PGM3: variants seen among roughly 807,000 people sequenced by gnomAD.
PGM3 encodes the protein phosphoacetylglucosamine mutase.
Under a neutral mutation model 66.2 loss-of-function variants are expected in PGM3, and 40 were observed. The ratio of observed to expected loss-of-function variants is 0.60; its 90% CI spans 0.47 to 0.79. The LOEUF is 0.79. Ranked by LOEUF, PGM3 falls within the 30% of genes least tolerant of loss-of-function variation. PGM3 has a pLI of 0.00. For missense variants in PGM3, 537 were observed against 643.4 expected, an observed-to-expected ratio of 0.83 and a Z score of 1.79; for synonymous variants, 191 against 224.2, an observed-to-expected ratio of 0.85 and a Z score of 1.32.
chr6:83,172,772 T>C (rs1787362162), intron 10 of PGM3, among the ~76,000 whole-genome samples: 1 of 152,206 alleles, frequency 6.6e-6, no homozygotes, highest in Non-Finnish European at 1.5e-5. Context: ...GATACATCGT[T>C]TCCATGCATG....
At position 83,167,718 on chromosome 6, in the gene PGM3, G is replaced by T; in HGVS notation, c.*1516C>A. ...AGTAAAAGGTCTCAGAAGCACCAAGGGTTTTGATCAGGTCAGGAGTTAGAA... is the reference window on the plus strand; with the variant it reads ...AGTAAAAGGTCTCAGAAGCACCAAGTGTTTTGATCAGGTCAGGAGTTAGAA... On this transcript the variant is annotated 3_prime_UTR_variant, in exon 13 of 13. Transcript: ENST00000513973. 1 of 1,407,186 alleles carries T rather than the reference G, an allele frequency of 7.1e-7. No homozygotes were observed. Among genetic ancestry groups the T allele is most frequent in the Non-Finnish European group, 9.2e-7 (1 of 1,082,410 alleles). 87.2% of individuals were successfully genotyped at this position (1,407,186 alleles called of 1,614,324 possible).
At chr6:83,185,492 A>T (rs1383684564) in intron 4 of PGM3, among the ~76,000 whole-genome samples, 1 of 152,188 alleles carries the variant, frequency 6.6e-6, no homozygotes, top group Non-Finnish European at 1.5e-5. Flanking sequence ...GGCCGGGCGC[A>T]GTGGCTCATG....
Position 83,186,321 on chromosome 6 carries a change from A to T in PGM3, c.457+687T>A, listed in dbSNP as rs1788575665. Among the ~76,000 whole-genome samples the T allele has an allele frequency of 2.0e-5, 3 of 152,224 alleles. No homozygotes were observed. In the East Asian group the frequency reaches 5.8e-4, roughly 29 times the overall value. On this transcript the variant is annotated intron_variant, in intron 4 of 12. Coordinates refer to ENST00000513973, the MANE Select transcript of PGM3 (RefSeq NM_015599.3). ...CTGCAGAAAGCTGAAGAATGACAGA[A>T]GAGGAGGAAACAGAGAAGGTAAGCA...
At chr6:83,162,886 A>G (rs1173602988), downstream of PGM3, 2 of 1,613,014 alleles carry the variant, frequency 1.2e-6, no homozygotes, top group Non-Finnish European at 1.7e-6. Flanking sequence ...CTTACGTGGT[A>G]CGACTAGCAA....
chr6:83,155,901 AATCTT>A, the PGM3 span: 1 of 1,576,138 alleles, frequency 6.3e-7, no homozygotes, highest in Non-Finnish European at 8.6e-7. Context: ...ACAACAGAAT[AATCTT>A]TCTTCAGATG....
intron 12 of PGM3, 71 bp downstream of exon 12, chr6:83,170,234 A>C: frequency 7.1e-7 from 1 of 1,407,476 alleles, no homozygotes; most frequent in Non-Finnish European, 1.0e-6. Context: ...AGATTCTAAA[A>C]ACCATTAAAA....
downstream of PGM3, among the ~76,000 whole-genome samples, chr6:83,158,260 C>T (rs1016363381): frequency 6.6e-6 from 1 of 152,114 alleles, no homozygotes; most frequent in Non-Finnish European, 1.5e-5. Context: ...CTCGACCTCC[C>T]AAAGTGCTGG....
At chr6:83,160,093 T>C (rs1583183248), downstream of PGM3, 4 of 868,640 alleles carry the variant, frequency 4.6e-6, no homozygotes, top group Non-Finnish European at 7.0e-6. Flanking sequence ...TGTAATTCTT[T>C]TGGCACAGCA....
the PGM3 span, chr6:83,153,950 G>A: frequency 6.2e-7 from 1 of 1,613,892 alleles, no homozygotes; most frequent in South Asian, 1.1e-5. Flanking sequence ...AGTCTTAGTG[G>A]GTATCAGTAC....
At chr6:83,151,570 T>C in the PGM3 span, 5 of 1,575,246 alleles carry the variant, frequency 3.2e-6, no homozygotes, top group Admixed American at 9.8e-5. Context: ...TTCCCGTTTC[T>C]GTTTTCTCTT....
chr6:83,188,957 T>G (rs1045679550), intron 2 of PGM3, among the ~76,000 whole-genome samples, 159 bp from the exon 3 acceptor site: 7 of 152,306 alleles, frequency 4.6e-5, no homozygotes, highest in Middle Eastern at 3.4e-3. Context: ...ATTAGGTATT[T>G]TATGTATATA....
At chr6:83,157,032 G>A (rs907236930), downstream of PGM3, 4 of 660,932 alleles carry the variant, frequency 6.1e-6, no homozygotes, top group East Asian at 3.0e-5. Flanking sequence ...TCTCTTATTC[G>A]TTGTTTTATG....
intron 2 of PGM3, among the ~76,000 whole-genome samples, chr6:83,189,968 G>A (rs1479043780): frequency 6.6e-6 from 1 of 152,222 alleles, no homozygotes; most frequent in Non-Finnish European, 1.5e-5. Context: ...TAGTATGGTG[G>A]CGGCTAGAGG....
rs1472813037 is a variant in PGM3, at chr6:83,168,627, G to A, written c.*607C>T. 12 of 996,200 alleles carry A rather than the reference G, an allele frequency of 1.2e-5. No homozygotes were observed. The highest frequency in any genetic ancestry group is 1.4e-5 in the Non-Finnish European group (12 of 836,886). The allele number at this position is 996,200 out of a possible 1,614,324, so 61.7% of individuals were successfully genotyped here. A position where few individuals can be genotyped will look rare whatever the true frequency, so the allele number is the denominator to read the frequency against. ...CTCCCACATACCTTCACCAAGAGCA[G>A]TGAAGAATAACTGAAGGCTGGACCA... is the stretch of plus-strand genomic sequence containing the variant. On this transcript the variant is annotated 3_prime_UTR_variant, in exon 13 of 13. Transcript: ENST00000513973.
intron 5 of PGM3, 151 bp downstream of exon 5, chr6:83,182,694 C>A (rs775323686): frequency 7.5e-5 from 51 of 675,874 alleles, no homozygotes; most frequent in Non-Finnish European, 1.2e-4. Flanking sequence ...TAGACCAGAA[C>A]CTTGTGTAGC....
At chr6:83,191,273 G>T in intron 1 of PGM3, 1 of 1,532,010 alleles carries the variant, frequency 6.5e-7, no homozygotes, top group East Asian at 2.4e-5. Flanking sequence ...TCCCATTTTA[G>T]CTCCAGGACT....
intron 3 of PGM3, among the ~76,000 whole-genome samples, chr6:83,187,885 T>C (rs1240590375): frequency 6.6e-6 from 1 of 152,130 alleles, no homozygotes; most frequent in Non-Finnish European, 1.5e-5. Flanking sequence ...AAGAACCAAA[T>C]ACATGTGGGA....
At chr6:83,192,209 G>T (rs1203873855) in intron 1 of PGM3, among the ~76,000 whole-genome samples, 4 of 152,178 alleles carry the variant, frequency 2.6e-5, no homozygotes, top group Admixed American at 2.6e-4. Context: ...AGGTCGCAGT[G>T]AGCCGAGATC....
In PGM3 at chr6:83,165,801, G is replaced by C; in HGVS notation, c.*3433C>G. 3.3e-6 allele frequency: 1 copy of C among 302,388 alleles called. No individual in the cohort carries two copies. Among genetic ancestry groups the C allele is most frequent in the Non-Finnish European group, 6.6e-6 (1 of 150,766 alleles). 18.7% of individuals were successfully genotyped at this position (302,388 alleles called of 1,614,324 possible). A position where few individuals can be genotyped will look rare whatever the true frequency, so the allele number is the denominator to read the frequency against. On this transcript the variant is annotated 3_prime_UTR_variant, in exon 13 of 13. Coordinates refer to ENST00000513973, the MANE Select transcript of PGM3 (RefSeq NM_015599.3). The stretch of plus-strand genomic sequence containing the variant: ...GTGCGGCCCAGTGTTGTCGTGAAAA[G>C]AATTGGGCCCTTTCTGGTGGCCAAT...
Sources: gnomAD v4.1 joint callset for allele counts (sites outside exome capture counted in the v4.1 genomes callset) on GRCh38, gnomAD v4.1.1 for gene constraint, MANE v1.5 for transcripts, NCBI Gene and HGNC (gene_info 2026-07-23, HGNC 2026-07-21) for gene names.